Variants in ZNF688 observed in about 807,000 individuals in gnomAD.
ZNF688 encodes zinc finger protein 688.
Under a neutral mutation model 13.2 loss-of-function variants are expected in ZNF688, and 10 were observed. The ratio of observed to expected loss-of-function variants is 0.76; its 90% CI spans 0.47 to 1.28. ZNF688 has a LOEUF of 1.28. Among genes scored for constraint, ZNF688 ranks in the 50% most tolerant of loss-of-function variants. ZNF688 has a pLI of 0.00. For missense variants in ZNF688, 381 were observed against 391.4 expected, an observed-to-expected ratio of 0.97 and a Z score of 0.22; for synonymous variants, 160 against 159.4, an observed-to-expected ratio of 1.00 and a Z score of -0.03.
chr16:30,579,572 G>A, the ZNF688 span: 1 of 295,774 alleles, frequency 3.4e-6, no homozygotes, highest in Non-Finnish European at 6.8e-6. Flanking sequence ...GTAGAGATGG[G>A]GTTTCACTAT....
At position 30,570,953 on chromosome 16, in the gene ZNF688, T is replaced by C. The variant is rs748157689; in HGVS notation, c.310+57A>G. The C allele has an allele frequency of 2.5e-6, 4 of 1,578,016 alleles. No individual in the cohort carries two copies. In the South Asian group the frequency reaches 3.3e-5, roughly 13 times the overall value. Reference sequence around the variant, plus strand: ...TGGAAGTGGGGGCCTGAAAAGAAACTCTGCTAGACAGGAAGCCCTGGAAAA... The same window carrying C: ...TGGAAGTGGGGGCCTGAAAAGAAACCCTGCTAGACAGGAAGCCCTGGAAAA... On this transcript the variant is annotated intron_variant, in intron 2 of 2. Transcript: ENST00000223459.
rs759556067 is a variant in ZNF688 at position 30,571,020 on chromosome 16, T to TCC, written c.298_299dup (p.Ala101GlufsTer29). On this transcript the variant is annotated frameshift_variant, in exon 2 of 3. Coordinates refer to ENST00000223459, the MANE Select transcript of ZNF688 (RefSeq NM_145271.4). LOFTEE classifies it low-confidence loss of function (END_TRUNC). ...GGGACTATCCCTCACCTCTCCGAGCTCCTCCCAGTCTTTCCCCCTTCTCAG... is the reference window on the plus strand; with the variant it reads ...GGGACTATCCCTCACCTCTCCGAGCTCCCCTCCCAGTCTTTCCCCCTTCTCAG... The TCC allele has an allele frequency of 6.2e-7, 1 of 1,613,726 alleles. No individual in the cohort carries two copies. The highest frequency in any genetic ancestry group is 2.2e-5 in the East Asian group (1 of 44,868).
chr16:30,573,631 C>CT (rs1446626200), upstream of ZNF688: 2 of 163,150 alleles, frequency 1.2e-5, no homozygotes, highest in East Asian at 3.7e-4. Flanking sequence ...CCTGCCAGCC[C>CT]TAGTATATCG....
At position 30,570,129 on chromosome 16, in the gene ZNF688, C is replaced by T. The variant is rs1317156660; in HGVS notation, c.618G>A (p.Ser206=). 10 of 1,611,152 alleles carry T rather than the reference C, an allele frequency of 6.2e-6. No homozygotes were observed. The highest frequency in any genetic ancestry group is 2.2e-5 in the East Asian group (1 of 44,838). The change falls in exon 3 of 3, where the codon TCG becomes TCA. Residue 206 remains serine, a synonymous_variant. Coordinates refer to ENST00000223459, the MANE Select transcript of ZNF688 (RefSeq NM_145271.4). The part of the protein sequence containing the change: ...SLLVSHRRMH[S]GERPFPCPEC... ...CGGGGCAGGGGAAAGGCCGCTCCCC[C>T]GAGTGCATGCGCCTGTGGCTGACCA...
chr16:30,573,289 A>T (rs1444679711), upstream of ZNF688, among the ~76,000 whole-genome samples: 3 of 152,016 alleles, frequency 2.0e-5, no homozygotes, highest in Non-Finnish European at 4.4e-5. Flanking sequence ...TTTCCTGGGA[A>T]ACCTTCCTCC....
rs764964304 is a variant in ZNF688, at chr16:30,570,297, C to T, written c.450G>A (p.Arg150=). The change falls in exon 3 of 3, where the codon CGG becomes CGA. Residue 150 remains arginine (R), a synonymous_variant. Transcript: ENST00000223459. Reference sequence around the variant, plus strand: ...AGGCAGCATTTTTGGGTGGCTGTGCCCGTGCCGGGGCCACGCTAATAGCTG... The same window carrying T: ...AGGCAGCATTTTTGGGTGGCTGTGCTCGTGCCGGGGCCACGCTAATAGCTG... ...PDPAISVAPA[R]AQPPKNAAWD... is the part of the protein sequence containing the mutation. 6.2e-7 allele frequency: 1 copy of T among 1,613,998 alleles called. No individual in the cohort carries two copies. Among genetic ancestry groups the T allele is most frequent in the South Asian group, 1.1e-5 (1 of 91,064 alleles).
At chr16:30,572,488 G>A (rs1238515639), upstream of ZNF688, 2 of 433,934 alleles carry the variant, frequency 4.6e-6, no homozygotes, top group Admixed American at 4.4e-5. Flanking sequence ...TCAGGCTCTA[G>A]ACCGAAGCTG....
the ZNF688 span, chr16:30,579,156 A>G: frequency 1.3e-5 from 2 of 152,418 alleles, no homozygotes; most frequent in African/African-American, 4.8e-5. Flanking sequence ...AAATGTAATG[A>G]TGTCTGCAAC....
chr16:30,578,065 A>C, the ZNF688 span, among the ~76,000 whole-genome samples: 12 of 152,168 alleles, frequency 7.9e-5, no homozygotes, highest in Non-Finnish European at 1.2e-4. Flanking sequence ...TTGGCCGGGC[A>C]CAGTGGCTAA....
At chr16:30,572,511 CG>C, upstream of ZNF688, 1 of 410,932 alleles carries the variant, frequency 2.4e-6, no homozygotes, top group Admixed American at 4.4e-5. Flanking sequence ...GGCGAAGGAA[CG>C]TGCTTGGTGA....
upstream of ZNF688, chr16:30,571,798 AT>A: frequency 7.6e-7 from 1 of 1,318,878 alleles, no homozygotes. Context: ...GGATTCGAGG[AT>A]TCTGATAGGG....
chr16:30,575,381 G>A (rs1439532006), upstream of ZNF688, among the ~76,000 whole-genome samples: 3 of 151,806 alleles, frequency 2.0e-5, no homozygotes, highest in Non-Finnish European at 4.4e-5. Flanking sequence ...CAAGTAGCTG[G>A]GATTACAGGC....
intron 1 of ZNF688, 149 bp from the exon 2 acceptor site, chr16:30,571,272 A>G: frequency 6.5e-7 from 1 of 1,538,246 alleles, no homozygotes; most frequent in East Asian, 2.4e-5. Flanking sequence ...GATGCGGGTG[A>G]AAACACTCCC....
upstream of ZNF688, chr16:30,572,558 A>G (rs1417643634): frequency 2.8e-6 from 1 of 354,260 alleles, no homozygotes; most frequent in Non-Finnish European, 5.1e-6. Flanking sequence ...TAAATTAAAT[A>G]GTAATTGTTG....
chr16:30,572,490 C>A, upstream of ZNF688: 1 of 431,604 alleles, frequency 2.3e-6, no homozygotes, highest in Non-Finnish European at 4.0e-6. Context: ...AGGCTCTAGA[C>A]CGAAGCTGCA....
chr16:30,576,242 C>T (rs1470510237), upstream of ZNF688, among the ~76,000 whole-genome samples: 1 of 152,096 alleles, frequency 6.6e-6, no homozygotes, highest in South Asian at 2.1e-4. Flanking sequence ...GATGGAGTCT[C>T]GCTCTGTTGC....
At chr16:30,575,661 CT>C (rs752083074), upstream of ZNF688, among the ~76,000 whole-genome samples, 72 of 141,360 alleles carry the variant, frequency 5.1e-4, no homozygotes, top group Middle Eastern at 3.7e-3. Context: ...CTTTTTTTTT[CT>C]TTTTTTTTTT....
At chr16:30,579,143 G>A in the ZNF688 span, 1 of 152,318 alleles carries the variant, frequency 6.6e-6, no homozygotes, top group Non-Finnish European at 1.5e-5. Flanking sequence ...GTGTTTAGAA[G>A]TGAAATGTAA....
chr16:30,572,805 C>G (rs1031557727), upstream of ZNF688: 1 of 152,670 alleles, frequency 6.6e-6, no homozygotes, highest in African/African-American at 2.4e-5. Context: ...CTCCTGGCCT[C>G]AAGCAATTCT....
Sources: allele counts gnomAD v4.1 joint callset (sites outside exome capture counted in the v4.1 genomes callset), GRCh38; gene constraint gnomAD v4.1.1; transcripts MANE v1.5; gene names NCBI Gene and HGNC (gene_info 2026-07-23, HGNC 2026-07-21).